Variants in ALDH18A1 observed in about 807,000 individuals in gnomAD.
The protein encoded by ALDH18A1 is delta-1-pyrroline-5-carboxylate synthase.
Under a neutral mutation model 88.8 loss-of-function variants are expected in ALDH18A1, and 44 were observed. The observed-to-expected ratio is 0.50, with a 90% CI of 0.39 to 0.64. The LOEUF (loss-of-function observed/expected upper bound fraction) is 0.64. ALDH18A1 is among the 30% of genes least tolerant of loss of function. The pLI, the probability that ALDH18A1 is intolerant of heterozygous loss-of-function variation, is 0.00. For synonymous variants in ALDH18A1, 331 were observed against 372.1 expected, an observed-to-expected ratio of 0.89 and a Z score of 1.27; for missense variants, 782 against 1,009.5, an observed-to-expected ratio of 0.77 and a Z score of 3.05.
At position 95,621,190 on chromosome 10, in the gene ALDH18A1, C is replaced by T. The variant is rs144816455; in HGVS notation, c.1308G>A (p.Leu436=). The change falls in exon 12 of 18, where the codon CTG becomes CTA. Residue 436 remains leucine (L), a synonymous_variant. Transcript: ENST00000371224. ...LSLSTSKLNS[L]AIGLRQIAAS... ...CTGCGATCTGTCGCAGACCGATGGCCAGGCTGTTCAATTTGGATGTGGAGA... is the reference window on the plus strand; with the variant it reads ...CTGCGATCTGTCGCAGACCGATGGCTAGGCTGTTCAATTTGGATGTGGAGA... 2,063 of 1,614,124 alleles carry T rather than the reference C, an allele frequency of 1.3e-3. No individual in the cohort carries two copies. The highest frequency in any genetic ancestry group is 1.5e-3 in the Non-Finnish European group (1,790 of 1,180,028).
chr10:95,611,499 CTAGGA>C lies in ALDH18A1; in HGVS notation c.1924-62_1924-58del. The C allele has an allele frequency of 1.9e-6, 3 of 1,590,080 alleles. No homozygotes were observed. The South Asian group carries it at 3.3e-5, about 18-fold the overall frequency. ...TAAAAACAACTGAAATAAGCAAGTTCTAGGATAGAACAGAAAGGTGAGCCTGTAAA... is the reference window on the plus strand; with the variant it reads ...TAAAAACAACTGAAATAAGCAAGTTCTAGAACAGAAAGGTGAGCCTGTAAA... On this transcript the variant is annotated intron_variant, in intron 15 of 17. Coordinates refer to ENST00000371224, the MANE Select transcript of ALDH18A1 (RefSeq NM_002860.4).
chr10:95,633,289 G>A (rs540108078), intron 6 of ALDH18A1, among the ~76,000 whole-genome samples: 90 of 152,104 alleles, frequency 5.9e-4, no homozygotes, highest in Non-Finnish European at 8.4e-4. Flanking sequence ...CATGCTCATC[G>A]CACCATCTTC....
intron 2 of ALDH18A1, among the ~76,000 whole-genome samples, chr10:95,652,298 C>T (rs1016898218): frequency 8.5e-5 from 13 of 152,182 alleles, no homozygotes; most frequent in Admixed American, 5.2e-4. Context: ...ATCGTATCAA[C>T]GTCAATACCT....
At chr10:95,623,397 T>C (rs1471233368) in intron 11 of ALDH18A1, among the ~76,000 whole-genome samples, 1 of 83,916 alleles carries the variant, frequency 1.2e-5, no homozygotes, top group African/African-American at 3.6e-5. Flanking sequence ...AAAGAGCTAT[T>C]TTCTTTTCTT....
chr10:95,622,310 G>A (rs1259237401), intron 11 of ALDH18A1, among the ~76,000 whole-genome samples: 1 of 152,078 alleles, frequency 6.6e-6, no homozygotes, highest in African/African-American at 2.4e-5. Flanking sequence ...TGATCCTCCT[G>A]CTTCAGTCTC....
In ALDH18A1 at chr10:95,641,432, A is replaced by G. The variant is rs550363512; in HGVS notation, c.303+1560T>C. 1.3e-4 allele frequency among the ~76,000 whole-genome samples: 20 copies of G among 148,390 alleles called. No individual in the cohort carries two copies. In the Admixed American group the frequency reaches 1.4e-3, roughly 10 times the overall value. On this transcript the variant is annotated intron_variant, in intron 3 of 17. Transcript: ENST00000371224. ...GTGTAGTCTCTTGATAAATATTTTT[A>G]AAATTTATCTGATGGACTCAATCTG...
chr10:95,642,778 G>T (rs550441123), intron 3 of ALDH18A1, among the ~76,000 whole-genome samples: 5 of 152,228 alleles, frequency 3.3e-5, no homozygotes, highest in Non-Finnish European at 7.3e-5. Context: ...TGAACTGCAT[G>T]AAATCACCCC....
In ALDH18A1 at chr10:95,626,874, C is replaced by T. The variant is rs1176516668; in HGVS notation, c.1079-98G>A. On this transcript the variant is annotated intron_variant, in intron 9 of 17. Transcript: ENST00000371224. The stretch of plus-strand genomic sequence containing the variant: ...ACTACCAGCACATGCACAAGCTCAT[C>T]ACGCCCACAGAAGGAACACATGATG... 7 of 1,241,954 alleles carry T rather than the reference C, an allele frequency of 5.6e-6. No homozygotes were observed. The East Asian group carries it at 1.7e-4, about 30-fold the overall frequency. 76.9% of individuals were successfully genotyped at this position (1,241,954 alleles called of 1,614,324 possible).
chr10:95,640,235 G>A (rs2097888863), intron 3 of ALDH18A1, among the ~76,000 whole-genome samples: 1 of 151,966 alleles, frequency 6.6e-6, no homozygotes, highest in African/African-American at 2.4e-5. Context: ...TTTTCAATAT[G>A]AGTAGCTTCT....
chr10:95,645,025 G>C (rs1051912165), intron 2 of ALDH18A1, among the ~76,000 whole-genome samples: 2 of 152,222 alleles, frequency 1.3e-5, no homozygotes, highest in Non-Finnish European at 2.9e-5. Flanking sequence ...AATATTCTGA[G>C]TTTCCTGCTA....
intron 5 of ALDH18A1, among the ~76,000 whole-genome samples, chr10:95,634,441 A>G (rs1204751594): frequency 6.6e-6 from 1 of 152,214 alleles, no homozygotes; most frequent in East Asian, 1.9e-4. Flanking sequence ...GATCTGATTC[A>G]GGGCCTGGCC....
At chr10:95,640,858 C>G (rs188891092) in intron 3 of ALDH18A1, among the ~76,000 whole-genome samples, 1 of 152,318 alleles carries the variant, frequency 6.6e-6, no homozygotes, top group African/African-American at 2.4e-5. Flanking sequence ...CAAGTTTCTC[C>G]TCCGTTCAAA....
chr10:95,642,287 G>C (rs892643416), intron 3 of ALDH18A1, among the ~76,000 whole-genome samples: 1 of 152,152 alleles, frequency 6.6e-6, no homozygotes, highest in African/African-American at 2.4e-5. Context: ...GAGCTGTGTA[G>C]TTGAGACAAA....
chr10:95,621,598 C>A (rs919401987), intron 11 of ALDH18A1, among the ~76,000 whole-genome samples: 5 of 152,084 alleles, frequency 3.3e-5, no homozygotes, highest in African/African-American at 1.2e-4. Context: ...AAGTGCGAGC[C>A]ACCGTGCCTG....
chr10:95,632,806 T>C (rs1377778103), intron 7 of ALDH18A1, among the ~76,000 whole-genome samples, 153 bp downstream of exon 7: 9 of 152,196 alleles, frequency 5.9e-5, no homozygotes, highest in Admixed American at 5.9e-4. Flanking sequence ...CCCACCCTGT[T>C]TTGAGTCATA....
At chr10:95,628,537 T>C in intron 7 of ALDH18A1, 45 bp from the exon 8 acceptor site, 4 of 1,605,166 alleles carry the variant, frequency 2.5e-6, no homozygotes, top group Non-Finnish European at 3.4e-6. Flanking sequence ...GATGGAAGTG[T>C]CTCCAAGACA....
Position 95,625,436 on chromosome 10 carries a change from T to C in ALDH18A1, c.1172A>G (p.His391Arg), listed in dbSNP as rs774081826. 8.1e-6 allele frequency: 13 copies of C among 1,613,874 alleles called. No homozygotes were observed. The East Asian group carries it at 2.9e-4, about 36-fold the overall frequency. ...EPEQRAEIIH[H>R]LADLLTDQRD... ...CTGGTCCGTCAACAGATCAGCCAGA[T>C]GATGGATAATTTCTGCTCTCTAGAA... The change falls in exon 11 of 18, where the codon CAT (histidine) becomes CGT (arginine). Residue 391 changes from histidine (H) to arginine (R), a missense_variant. Physicochemically the swap from His to Arg is conservative, Grantham distance 29 (BLOSUM62 0). Coordinates refer to ENST00000371224, the MANE Select transcript of ALDH18A1 (RefSeq NM_002860.4).
chr10:95,606,838 A>G lies in ALDH18A1; in HGVS notation c.2312T>C (p.Val771Ala). ...ACTTCCATGCTCTGAGAAATCTGAG[A>G]CCACGTGGTCCTTCCCTCGCAGCAG... ...KWLLRGKDHV[V>A]SDFSEHGSLK... The change falls in exon 18 of 18, where the codon GTC (valine) becomes GCC (alanine). Residue 771 changes from valine (V) to alanine (A), a missense_variant. Physicochemically the swap from Val to Ala is moderately conservative, Grantham distance 64. This residue lies in a region of ALDH18A1 where 556 missense variants were observed against 654.5 expected (regional missense o/e 0.85). Coordinates refer to ENST00000371224, the MANE Select transcript of ALDH18A1 (RefSeq NM_002860.4). 6.2e-7 allele frequency: 1 copy of G among 1,614,196 alleles called. No homozygotes were observed. The highest frequency in any genetic ancestry group is 8.5e-7 in the Non-Finnish European group (1 of 1,180,038).
chr10:95,624,001 G>T (rs1256145048), intron 11 of ALDH18A1, among the ~76,000 whole-genome samples: 1 of 151,752 alleles, frequency 6.6e-6, no homozygotes, highest in Non-Finnish European at 1.5e-5. Context: ...GCGCCCAGCA[G>T]TAATTTTTGT....
Sources: gnomAD v4.1 joint callset for allele counts (sites outside exome capture counted in the v4.1 genomes callset) on GRCh38, gnomAD v4.1.1 for gene constraint, gnomAD v4.1.1 regional missense constraint, MANE v1.5 for transcripts, NCBI Gene and HGNC (gene_info 2026-07-23, HGNC 2026-07-21) for gene names.